Variants in TAFA1 observed in about 807,000 individuals in gnomAD.
The protein encoded by TAFA1 is TAFA chemokine like family member 1.
A neutral mutation model predicts 18.5 loss-of-function variants in TAFA1; 4 were observed. The ratio of observed to expected loss-of-function variants is 0.22; its 90% CI spans 0.11 to 0.49. The LOEUF (loss-of-function observed/expected upper bound fraction) is 0.49, where lower values mean the gene tolerates loss of function less well. TAFA1 is among the 20% of genes least tolerant of loss of function. The pLI is 0.98. For missense variants in TAFA1, 147 were observed against 169.0 expected, an observed-to-expected ratio of 0.87 and a Z score of 0.72; for synonymous variants, 56 against 55.2, an observed-to-expected ratio of 1.01 and a Z score of -0.06.
At position 68,263,929 on chromosome 3, in the gene TAFA1, A is replaced by G. The variant is rs568269332; in HGVS notation, c.119-153351A>G. Among the ~76,000 whole-genome samples the G allele has an allele frequency of 2.6e-5, 4 of 152,344 alleles. No individual in the cohort carries two copies. In the South Asian group the frequency reaches 6.2e-4, roughly 24 times the overall value. On this transcript the variant is annotated intron_variant, in intron 2 of 4. Coordinates refer to ENST00000478136, the MANE Select transcript of TAFA1 (RefSeq NM_213609.4). ...TCTGTGTATCTTCTATTTACAAATG[A>G]GAATGATTTGCCAAATAACAGCTAT...
chr3:68,307,422 T>C (rs1426629365), intron 2 of TAFA1, among the ~76,000 whole-genome samples: 1 of 152,192 alleles, frequency 6.6e-6, no homozygotes, highest in Non-Finnish European at 1.5e-5. Context: ...GGTATATAAA[T>C]ACAGACTAGC....
chr3:68,494,682 G>A (rs1265012141), intron 3 of TAFA1, among the ~76,000 whole-genome samples: 2 of 152,008 alleles, frequency 1.3e-5, no homozygotes, highest in East Asian at 3.9e-4. Context: ...CACAAGCTCT[G>A]GGCTGATTAT....
At chr3:68,430,113 T>A (rs1269364505) in intron 3 of TAFA1, among the ~76,000 whole-genome samples, 2 of 151,850 alleles carry the variant, frequency 1.3e-5, no homozygotes, top group African/African-American at 4.8e-5. Context: ...TACCTAAACA[T>A]ATACAAGTAA....
At chr3:68,309,853 G>A (rs1192470268) in intron 2 of TAFA1, among the ~76,000 whole-genome samples, 1 of 152,096 alleles carries the variant, frequency 6.6e-6, no homozygotes, top group Non-Finnish European at 1.5e-5. Flanking sequence ...TGTTAATATG[G>A]CAGGATGTTA....
chr3:68,215,091 G>A (rs1180065675), intron 2 of TAFA1, among the ~76,000 whole-genome samples: 1 of 151,984 alleles, frequency 6.6e-6, no homozygotes, highest in Non-Finnish European at 1.5e-5. Flanking sequence ...GTATGCTAAG[G>A]AGGTTTCACT....
intron 2 of TAFA1, among the ~76,000 whole-genome samples, chr3:68,107,414 C>A (rs2065216058): frequency 6.6e-6 from 1 of 152,080 alleles, no homozygotes; most frequent in African/African-American, 2.4e-5. Context: ...AATGGATAAA[C>A]AAATTTATTA....
At chr3:68,520,965 T>G (rs1340888310) in intron 3 of TAFA1, among the ~76,000 whole-genome samples, 1 of 152,220 alleles carries the variant, frequency 6.6e-6, no homozygotes, top group Non-Finnish European at 1.5e-5. Context: ...AGCATAGGAT[T>G]GTGTTAGGTG....
At chr3:68,183,580 T>C (rs981629957) in intron 2 of TAFA1, among the ~76,000 whole-genome samples, 12 of 152,136 alleles carry the variant, frequency 7.9e-5, no homozygotes, top group African/African-American at 2.9e-4. Flanking sequence ...ATTTATTAGC[T>C]GCCCTCAACA....
At chr3:68,308,854 G>T (rs1327679645) in intron 2 of TAFA1, among the ~76,000 whole-genome samples, 1 of 152,034 alleles carries the variant, frequency 6.6e-6, no homozygotes, top group Non-Finnish European at 1.5e-5. Flanking sequence ...GGAAAGCTTT[G>T]GTTTCACTGG....
chr3:68,323,720 A>G (rs1382835938), intron 2 of TAFA1, among the ~76,000 whole-genome samples: 2 of 152,220 alleles, frequency 1.3e-5, no homozygotes, highest in African/African-American at 4.8e-5. Flanking sequence ...TCATTTCTTG[A>G]AAAATAATTC....
chr3:68,269,990 T>C (rs1265227463), intron 2 of TAFA1, among the ~76,000 whole-genome samples: 2 of 152,160 alleles, frequency 1.3e-5, no homozygotes, highest in Admixed American at 1.3e-4. Context: ...GGTGAAACAA[T>C]TTCTATGCCT....
intron 2 of TAFA1, among the ~76,000 whole-genome samples, chr3:68,187,618 T>C (rs2066287023): frequency 6.6e-6 from 1 of 152,016 alleles, no homozygotes; most frequent in Non-Finnish European, 1.5e-5. Flanking sequence ...AACAATGCCA[T>C]GAACTTTCTT....
intron 2 of TAFA1, among the ~76,000 whole-genome samples, chr3:68,103,670 T>A (rs764127863): frequency 6.6e-6 from 1 of 152,080 alleles, no homozygotes; most frequent in Non-Finnish European, 1.5e-5. Context: ...CTAATTGTCA[T>A]CACCACCGCT....
chr3:68,083,550 G>A (rs1260448339), intron 2 of TAFA1, among the ~76,000 whole-genome samples: 4 of 152,168 alleles, frequency 2.6e-5, no homozygotes, highest in Non-Finnish European at 5.9e-5. Flanking sequence ...ACCAGCACAA[G>A]TGCATGGATG....
chr3:68,291,887 A>C (rs1333257500), intron 2 of TAFA1, among the ~76,000 whole-genome samples: 1 of 152,182 alleles, frequency 6.6e-6, no homozygotes, highest in Admixed American at 6.5e-5. Context: ...TGTCTTTAAA[A>C]TCTAATCATC....
chr3:68,427,571 T>C (rs984681660), intron 3 of TAFA1, among the ~76,000 whole-genome samples: 5 of 151,946 alleles, frequency 3.3e-5, no homozygotes, highest in African/African-American at 7.2e-5. Flanking sequence ...TATAAACTTA[T>C]ACAGATGAGT....
intron 2 of TAFA1, among the ~76,000 whole-genome samples, chr3:68,151,188 T>C (rs1403401156): frequency 6.6e-6 from 1 of 152,188 alleles, no homozygotes; most frequent in African/African-American, 2.4e-5. Context: ...TAGCCATAAC[T>C]GTTACACAAG....
rs375835613 is a variant in TAFA1, at chr3:68,091,590, C to G, written c.118+84846C>G. On this transcript the variant is annotated intron_variant, in intron 2 of 4. Coordinates refer to ENST00000478136, the MANE Select transcript of TAFA1 (RefSeq NM_213609.4). ...AGAGCTTATTTTCTAATATAAGGAA[C>G]AGATCAAAATCAAGCAAGCAGATCA... Among the ~76,000 whole-genome samples the G allele has an allele frequency of 7.2e-5, 11 of 151,976 alleles. 1 individual carries two copies. The South Asian group carries it at 8.3e-4, about 11-fold the overall frequency.
At chr3:68,362,399 CACG>C (rs1228300160) in intron 2 of TAFA1, among the ~76,000 whole-genome samples, 5 of 152,104 alleles carry the variant, frequency 3.3e-5, no homozygotes, top group Non-Finnish European at 7.4e-5. Context: ...ATAACATTCT[CACG>C]GACTGAAGAC....
Sources: allele counts gnomAD v4.1 joint callset (sites outside exome capture counted in the v4.1 genomes callset), GRCh38; gene constraint gnomAD v4.1.1; transcripts MANE v1.5; gene names NCBI Gene and HGNC (gene_info 2026-07-23, HGNC 2026-07-21).